Variants in SLC46A1 observed in about 807,000 individuals in gnomAD.
SLC46A1 encodes the protein solute carrier family 46 member 1.
Under a neutral mutation model 32.1 loss-of-function variants are expected in SLC46A1, and 17 were observed. That is an observed-to-expected ratio of 0.53 (90% CI 0.36 to 0.79). SLC46A1 has a LOEUF of 0.79. Among genes scored for constraint, SLC46A1 ranks in the 30% least tolerant of loss-of-function variants. The probability of loss-of-function intolerance (pLI) is 0.00; values close to 1 mark genes in which losing one functional copy is unlikely to be tolerated. For synonymous variants in SLC46A1, 240 were observed against 262.7 expected (o/e 0.91, Z 0.84); for missense variants, 517 against 588.2 (o/e 0.88, Z 1.25).
In SLC46A1 at chr17:28,406,016, G is replaced by T; in HGVS notation, c.99C>A (p.Asn33Lys). ...GCGGGCCCTGCAGGACCAAGGCAAA[G>T]TTGGCCAGGAAGACCAGCGGCTCTA... ...GPVEPLVFLA[N>K]FALVLQGPLT... Residue 33 changes from asparagine to lysine, a missense_variant, in exon 1 of 5, where the codon AAC (asparagine) becomes AAA (lysine). Coordinates refer to ENST00000612814, the MANE Select transcript of SLC46A1 (RefSeq NM_080669.6). This position sits in a 1 kb window ranked among gnomAD's most constrained non-coding sequence, Gnocchi z 4.5. The T allele has an allele frequency of 6.2e-7, 1 of 1,610,500 alleles. No individual in the cohort carries two copies. The highest frequency in any genetic ancestry group is 1.1e-5 in the South Asian group (1 of 90,560).
chr17:28,395,758 G>T lies in SLC46A1; in HGVS notation c.*3898C>A, dbSNP rs2068113284. On this transcript the variant is annotated 3_prime_UTR_variant, in exon 5 of 5. Transcript: ENST00000612814. ...TATTTATTTTTTATTACACTACAAG[G>T]GTTAAGGTAGACATCAAGGTGGACA... 7.8e-6 allele frequency: 6 copies of T among 771,848 alleles called. No individual in the cohort carries two copies. The highest frequency in any genetic ancestry group is 1.3e-5 in the Non-Finnish European group (6 of 462,908). 47.8% of individuals were successfully genotyped at this position (771,848 alleles called of 1,614,324 possible).
chr17:28,405,845 A>G, intron 1 of SLC46A1, 42 bp downstream of exon 1: 2 of 1,528,434 alleles, frequency 1.3e-6, no homozygotes, highest in Non-Finnish European at 1.8e-6. Context: ...CACGCTCCAG[A>G]CCAGGGCCCT....
chr17:28,401,050 ATG>A (rs2068192117), intron 3 of SLC46A1: 1 of 415,878 alleles, frequency 2.4e-6, no homozygotes, highest in South Asian at 2.2e-5. Flanking sequence ...AAAAAAGTAC[ATG>A]TGATATTGTC....
At chr17:28,399,942 G>A in intron 4 of SLC46A1, 1 of 525,590 alleles carries the variant, frequency 1.9e-6, no homozygotes, top group Non-Finnish European at 3.4e-6. Context: ...TGTCCAGGCT[G>A]GAGGGCAGTG....
chr17:28,396,450 A>G lies in SLC46A1; in HGVS notation c.*3206T>C. On this transcript the variant is annotated 3_prime_UTR_variant, in exon 5 of 5. Coordinates refer to ENST00000612814, the MANE Select transcript of SLC46A1 (RefSeq NM_080669.6). ...CACCCTCATGGCCCACCTCCAACCC[A>G]CTTTCCTCAGTATCTGGAGAGGGAA... 1 of 772,862 alleles carries G rather than the reference A, an allele frequency of 1.3e-6. No homozygotes were observed. The highest frequency in any genetic ancestry group is 2.0e-6 in the Non-Finnish European group (1 of 489,480). The allele number at this position is 772,862 out of a possible 1,614,324, so 47.9% of individuals were successfully genotyped here.
At position 28,405,476 on chromosome 17, in the gene SLC46A1, G is replaced by T; in HGVS notation, c.229-8C>A. ...GGTAAGGGTCTCCACTTCCTGTAGGGGCACAATGACCAGGGTGCGGTTCCT... is the reference window on the plus strand; with the variant it reads ...GGTAAGGGTCTCCACTTCCTGTAGGTGCACAATGACCAGGGTGCGGTTCCT... On this transcript the variant is annotated splice_polypyrimidine_tract_variant and splice_region_variant and intron_variant, in intron 1 of 4. Transcript: ENST00000612814. 1 of 1,596,538 alleles carries T rather than the reference G, an allele frequency of 6.3e-7. No individual in the cohort carries two copies.
upstream of SLC46A1, chr17:28,406,582 GC>G (rs2068264564): frequency 6.4e-6 from 1 of 155,044 alleles, no homozygotes; most frequent in African/African-American, 2.4e-5. The surrounding 1 kb of genome is among the most constrained non-coding windows in gnomAD (Gnocchi z 4.5). Context: ...TCAAGGCAGA[GC>G]TGGAAGAGCA....
In SLC46A1 at chr17:28,396,032, C is replaced by A. The variant is rs782251734; in HGVS notation, c.*3624G>T. 1.9e-6 allele frequency: 3 copies of A among 1,613,860 alleles called. No homozygotes were observed. Among genetic ancestry groups the A allele is most frequent in the Non-Finnish European group, 1.7e-6 (2 of 1,179,852 alleles). The stretch of plus-strand genomic sequence containing the variant: ...CTTACTTTCAACGGTATCAAGTGAG[C>A]CCCAGGGCCCTGGGACCAGGGGGGT... On this transcript the variant is annotated 3_prime_UTR_variant, in exon 5 of 5. Transcript: ENST00000612814.
At chr17:28,404,255 A>C (rs2068228251) in intron 2 of SLC46A1, 1 of 287,810 alleles carries the variant, frequency 3.5e-6, no homozygotes, top group Non-Finnish European at 6.7e-6. Context: ...CAGAGAAGTG[A>C]GTACCAGGCA....
chr17:28,400,431 T>C (rs991041226), intron 4 of SLC46A1, 179 bp downstream of exon 4: 2 of 745,616 alleles, frequency 2.7e-6, no homozygotes, highest in East Asian at 2.8e-5. Flanking sequence ...CATCTCGCCC[T>C]TGGAAAATGG....
Position 28,396,062 on chromosome 17 carries a change from T to A in SLC46A1, c.*3594A>T. 6.2e-7 allele frequency: 1 copy of A among 1,613,266 alleles called. No individual in the cohort carries two copies. Among genetic ancestry groups the A allele is most frequent in the Non-Finnish European group, 8.5e-7 (1 of 1,179,570 alleles). Reference sequence around the variant, plus strand: ...GGGCCCTGGGACCAGGGGGGTAGGGTACAAATCACCATGACAGGCAGAGTG... The same window carrying A: ...GGGCCCTGGGACCAGGGGGGTAGGGAACAAATCACCATGACAGGCAGAGTG... On this transcript the variant is annotated 3_prime_UTR_variant, in exon 5 of 5. Coordinates refer to ENST00000612814, the MANE Select transcript of SLC46A1 (RefSeq NM_080669.6).
Position 28,396,411 on chromosome 17 carries a change from C to T in SLC46A1, c.*3245G>A. 1.8e-6 allele frequency: 2 copies of T among 1,112,118 alleles called. No individual in the cohort carries two copies. The highest frequency in any genetic ancestry group is 4.0e-5 in the Admixed American group (2 of 49,968). 68.9% of individuals were successfully genotyped at this position (1,112,118 alleles called of 1,614,324 possible). A position where few individuals can be genotyped will look rare whatever the true frequency, so the allele number is the denominator to read the frequency against. On this transcript the variant is annotated 3_prime_UTR_variant, in exon 5 of 5. Transcript: ENST00000612814. ...GGCTCTTCTTAGGAAATGGCTCTCC[C>T]TCCCCCTGTCCCCCACCCTCATGGC... is the stretch of plus-strand genomic sequence containing the variant.
chr17:28,402,418 T>TAACC, intron 2 of SLC46A1, 97 bp from the exon 3 acceptor site: 2 of 1,012,046 alleles, frequency 2.0e-6, no homozygotes, highest in African/African-American at 1.6e-5. Context: ...CACGTGGGGC[T>TAACC]TAGGTTAGAC....
At chr17:28,404,321 G>A (rs1555590275) in intron 2 of SLC46A1, 3 of 445,000 alleles carry the variant, frequency 6.7e-6, no homozygotes, top group Non-Finnish European at 1.2e-5. Flanking sequence ...AGGCCAAGGG[G>A]TAAAGCAATT....
At position 28,405,403 on chromosome 17, in the gene SLC46A1, G is replaced by A. The variant is rs371270310; in HGVS notation, c.294C>T (p.Leu98=). Residue 98 remains leucine, a synonymous_variant, in exon 2 of 5, where the codon CTC becomes CTT. Coordinates refer to ENST00000612814, the MANE Select transcript of SLC46A1 (RefSeq NM_080669.6). The stretch of plus-strand genomic sequence containing the variant: ...AAGCTCCCAGCAGGGTGGACGAGAA[G>A]AGCCCCACCAGGAAGCCGCCCACGT... ...YMNVGGFLVG[L]FSSTLLGAWS... 4 of 1,588,562 alleles carry A rather than the reference G, an allele frequency of 2.5e-6. No homozygotes were observed. The highest frequency in any genetic ancestry group is 2.7e-5 in the African/African-American group (2 of 74,444).
chr17:28,405,569 G>A (rs1567819367), intron 1 of SLC46A1, 101 bp from the exon 2 acceptor site: 1 of 1,500,836 alleles, frequency 6.7e-7, no homozygotes, highest in East Asian at 2.5e-5. Flanking sequence ...ACTTCCTTTG[G>A]AGCCCTAAAC....
intron 2 of SLC46A1, 60 bp downstream of exon 2, chr17:28,404,556 G>A (rs41297083): frequency 2.5e-5 from 40 of 1,592,380 alleles, no homozygotes; most frequent in South Asian, 2.2e-4. Flanking sequence ...GTGAGTGGCC[G>A]GCCCCCAGTT....
chr17:28,402,024 C>G (rs2068201827), intron 3 of SLC46A1: 2 of 509,790 alleles, frequency 3.9e-6, no homozygotes, highest in Admixed American at 6.4e-5. Flanking sequence ...GCTCTGCTGA[C>G]TGCAAATCCC....
chr17:28,400,886 C>T (rs2068188961), intron 3 of SLC46A1, 120 bp from the exon 4 acceptor site: 1 of 850,126 alleles, frequency 1.2e-6, no homozygotes, highest in African/African-American at 1.7e-5. Flanking sequence ...CCCTTCCTCA[C>T]CAGTAAATCC....
Sources: allele counts gnomAD v4.1 joint callset, GRCh38; gene constraint gnomAD v4.1.1; non-coding constraint Gnocchi (gnomAD v3.1); transcripts MANE v1.5; gene names NCBI Gene and HGNC (gene_info 2026-07-23, HGNC 2026-07-21).